The following TMPRSS15 variants were observed in gnomAD, a reference collection of about 807,000 sequenced individuals.
TMPRSS15 encodes enteropeptidase.
In TMPRSS15, 128 loss-of-function variants were observed where a neutral mutation model predicts 125.3. The ratio of observed to expected loss-of-function variants is 1.02; its 90% confidence interval spans 0.89 to 1.18. TMPRSS15 has a LOEUF of 1.18. Ranked by LOEUF, TMPRSS15 falls within the 50% of genes most tolerant of loss-of-function variation. The probability of loss-of-function intolerance (pLI) is 0.00; values close to 1 mark genes in which losing one functional copy is unlikely to be tolerated. For synonymous variants in TMPRSS15, 446 were observed against 423.2 expected (o/e 1.05, Z -0.66); for missense variants, 1,283 against 1,212.7 (o/e 1.06, Z -0.86).
chr21:18,430,731 A>T (rs967754047), intron 1 of TMPRSS15, among the ~76,000 whole-genome samples: 10 of 152,196 alleles, frequency 6.6e-5, no homozygotes, highest in African/African-American at 2.4e-4. Flanking sequence ...ACAAGTAATC[A>T]TGAGACACAG....
At chr21:18,390,160 T>A (rs1330731190) in intron 3 of TMPRSS15, among the ~76,000 whole-genome samples, 2 of 152,186 alleles carry the variant, frequency 1.3e-5, no homozygotes, top group Non-Finnish European at 2.9e-5. Flanking sequence ...TGTCCCACAT[T>A]TTTCATAAAA....
At chr21:18,366,240 T>A (rs550069562) in intron 6 of TMPRSS15, among the ~76,000 whole-genome samples, 1 of 152,322 alleles carries the variant, frequency 6.6e-6, no homozygotes, top group Non-Finnish European at 1.5e-5. Context: ...TGAAAAAGAT[T>A]AGAATAAGGC....
At chr21:18,353,629 C>T in intron 9 of TMPRSS15, 94 bp downstream of exon 9, 1 of 1,145,334 alleles carries the variant, frequency 8.7e-7, no homozygotes, top group Non-Finnish European at 1.3e-6. Flanking sequence ...TATAAAATTA[C>T]ATCATGAAAA....
intron 1 of TMPRSS15, among the ~76,000 whole-genome samples, chr21:18,424,433 A>G (rs1419857425): frequency 6.6e-6 from 1 of 152,214 alleles, no homozygotes; most frequent in East Asian, 1.9e-4. Flanking sequence ...CAGTGAGTCT[A>G]TTTACATGTA....
Position 18,433,804 on chromosome 21 carries a change from T to C in TMPRSS15, c.11-35475A>G, listed in dbSNP as rs772789730. ...TAACTTTATACATTTTCCTAAAATG[T>C]TATGATGAGTAGTTTGTTTTGGAGT... On this transcript the variant is annotated intron_variant, in intron 1 of 7. Transcript: ENST00000422787. 4.6e-4 allele frequency among the ~76,000 whole-genome samples: 70 copies of C among 152,264 alleles called. 2 individuals are homozygous for C. The highest frequency in any genetic ancestry group is 4.0e-3 in the Admixed American group (61 of 15,278).
intron 13 of TMPRSS15, among the ~76,000 whole-genome samples, chr21:18,338,556 G>A (rs912797725): frequency 6.6e-6 from 1 of 152,054 alleles, no homozygotes; most frequent in Non-Finnish European, 1.5e-5. Flanking sequence ...TTTAAACAAT[G>A]CCCCAAATCC....
intron 4 of TMPRSS15, among the ~76,000 whole-genome samples, chr21:18,380,864 T>C (rs1195367401): frequency 6.6e-6 from 1 of 152,166 alleles, no homozygotes; most frequent in Non-Finnish European, 1.5e-5. Context: ...CATAGTTCTA[T>C]AGAATAATTT....
At chr21:18,435,794 T>A (rs547835876) in intron 1 of TMPRSS15, among the ~76,000 whole-genome samples, 1 of 152,358 alleles carries the variant, frequency 6.6e-6, no homozygotes, top group South Asian at 2.1e-4. Flanking sequence ...TATTGATTAT[T>A]GTCACAATTT....
chr21:18,410,703 G>A (rs2076163932), intron 1 of TMPRSS15, among the ~76,000 whole-genome samples: 1 of 151,880 alleles, frequency 6.6e-6, no homozygotes, highest in Non-Finnish European at 1.5e-5. Context: ...CTGTTGATGA[G>A]TTTTTGTGAT....
At chr21:18,279,107 G>A (rs763293926) in intron 22 of TMPRSS15, 48 bp from the exon 23 acceptor site, 2 of 982,894 alleles carry the variant, frequency 2.0e-6, no homozygotes, top group South Asian at 2.7e-5. Flanking sequence ...GAAAAAGAAA[G>A]AACAGATTTA....
At chr21:18,456,644 CTAGT>C (rs1408076127) in intron 1 of TMPRSS15, among the ~76,000 whole-genome samples, 1 of 151,944 alleles carries the variant, frequency 6.6e-6, no homozygotes, top group African/African-American at 2.4e-5. Flanking sequence ...TACTATGAAG[CTAGT>C]TAGAATTGTT....
chr21:18,269,929 G>T lies in TMPRSS15; in HGVS notation c.*40C>A, dbSNP rs1203847134. 1.2e-6 allele frequency: 2 copies of T among 1,610,326 alleles called. No individual in the cohort carries two copies. The highest frequency in any genetic ancestry group is 1.7e-6 in the Non-Finnish European group (2 of 1,177,422). Reference sequence around the variant, plus strand: ...TTTCCATGCTTTCTAGAGTAGAATGGGAAAATAATGCGACTTTCCTGTTTA... The same window carrying T: ...TTTCCATGCTTTCTAGAGTAGAATGTGAAAATAATGCGACTTTCCTGTTTA... On this transcript the variant is annotated 3_prime_UTR_variant, in exon 25 of 25. Transcript: ENST00000284885.
intron 1 of TMPRSS15, 132 bp from the exon 2 acceptor site, chr21:18,398,461 G>C: frequency 3.4e-6 from 3 of 872,652 alleles, no homozygotes; most frequent in Non-Finnish European, 5.3e-6. Context: ...CTTTTTCTTT[G>C]TAGTCTCATG....
chr21:18,348,196 A>G (rs1356729551), intron 10 of TMPRSS15, among the ~76,000 whole-genome samples: 1 of 152,112 alleles, frequency 6.6e-6, no homozygotes, highest in Non-Finnish European at 1.5e-5. Flanking sequence ...ACAAATAAAT[A>G]AGCCCCAGAA....
intron 1 of TMPRSS15, among the ~76,000 whole-genome samples, chr21:18,446,033 C>A (rs1569070578): frequency 6.6e-6 from 1 of 152,178 alleles, no homozygotes; most frequent in Non-Finnish European, 1.5e-5. Flanking sequence ...TGTTTTCAAA[C>A]CACATGATCT....
intron 1 of TMPRSS15, among the ~76,000 whole-genome samples, chr21:18,429,722 G>A (rs1317303910): frequency 2.0e-5 from 3 of 152,170 alleles, no homozygotes; most frequent in South Asian, 2.1e-4. Context: ...TCTTGGGTAT[G>A]TCTTTAGCAG....
chr21:18,306,024 T>G (rs2075035167), intron 18 of TMPRSS15, among the ~76,000 whole-genome samples: 1 of 152,206 alleles, frequency 6.6e-6, no homozygotes. Context: ...GTACCTTCTG[T>G]GCTGAAGTTG....
At position 18,294,439 on chromosome 21, in the gene TMPRSS15, C is replaced by A; in HGVS notation, c.2317G>T (p.Gly773Ter). The change falls in exon 21 of 25, where the codon GGA becomes TGA. Residue 773 changes from glycine to a stop codon, truncating the protein, a stop_gained. Transcript: ENST00000284885. LOFTEE classifies it high-confidence loss of function. ...ATGTCTTGAGCTGCCAGTTTTTTTCCACAAGCTATTAAAATAATTGGAGAA... is the reference window on the plus strand; with the variant it reads ...ATGTCTTGAGCTGCCAGTTTTTTTCAACAAGCTATTAAAATAATTGGAGAA... ...IRLQCNHKSC[G>*]KKLAAQDITP... The A allele has an allele frequency of 6.2e-7, 1 of 1,614,180 alleles. No individual in the cohort carries two copies. Among genetic ancestry groups the A allele is most frequent in the South Asian group, 1.1e-5 (1 of 91,084 alleles).
intron 1 of TMPRSS15, among the ~76,000 whole-genome samples, chr21:18,410,574 G>A (rs1288477076): frequency 6.7e-6 from 1 of 150,152 alleles, no homozygotes; most frequent in Non-Finnish European, 1.5e-5. Flanking sequence ...TGATGGGGAG[G>A]GGAGAGTTTG....
Sources: allele counts gnomAD v4.1 joint callset (sites outside exome capture counted in the v4.1 genomes callset), GRCh38; gene constraint gnomAD v4.1.1; transcripts MANE v1.5; gene names NCBI Gene and HGNC (gene_info 2026-07-23, HGNC 2026-07-21).